The following CDON variants were observed in gnomAD, a reference collection of about 807,000 sequenced individuals.
CDON encodes cell adhesion molecule-related/down-regulated by oncogenes.
Under a neutral mutation model 120.9 loss-of-function variants are expected in CDON, and 73 were observed. That is an observed-to-expected ratio of 0.60 (90% CI 0.50 to 0.73). The LOEUF (loss-of-function observed/expected upper bound fraction) is 0.73. Ranked by LOEUF, CDON falls within the 30% of genes least tolerant of loss-of-function variation. The probability of loss-of-function intolerance (pLI) is 0.00; values close to 1 mark genes in which losing one functional copy is unlikely to be tolerated. For missense variants in CDON, 1,470 were observed against 1,587.3 expected (o/e 0.93, Z 1.26); for synonymous variants, 566 against 573.5 (o/e 0.99, Z 0.19).
intron 1 of CDON, among the ~76,000 whole-genome samples, chr11:126,042,789 T>C (rs545400153): frequency 2.6e-5 from 4 of 152,290 alleles, no homozygotes; most frequent in African/African-American, 9.6e-5. Flanking sequence ...GCTCGGCTTC[T>C]TTTTTTGTAT....
At chr11:125,968,971 T>C (rs1945882415) in intron 18 of CDON, among the ~76,000 whole-genome samples, 1 of 152,234 alleles carries the variant, frequency 6.6e-6, no homozygotes, top group Admixed American at 6.5e-5. Context: ...CTGTTCTGAA[T>C]ATAACCAGAC....
intron 12 of CDON, 152 bp from the exon 13 acceptor site, chr11:125,995,204 T>C (rs1396599427): frequency 2.7e-6 from 2 of 729,500 alleles, no homozygotes; most frequent in Admixed American, 2.1e-5. Flanking sequence ...GTATGGTAAA[T>C]AGATTTCAAC....
chr11:125,974,018 C>G (rs1311640205), intron 18 of CDON, among the ~76,000 whole-genome samples: 1 of 151,920 alleles, frequency 6.6e-6, no homozygotes, highest in Non-Finnish European at 1.5e-5. Context: ...GCTTCATCCT[C>G]CGGTGTAGCT....
At chr11:126,003,070 A>G (rs1947001096) in intron 10 of CDON, among the ~76,000 whole-genome samples, 1 of 152,014 alleles carries the variant, frequency 6.6e-6, no homozygotes, top group African/African-American at 2.4e-5. Flanking sequence ...TTAAACTGTT[A>G]ACAACTCCTA....
At chr11:126,019,152 A>C (rs992486068) in intron 4 of CDON, among the ~76,000 whole-genome samples, 3 of 152,166 alleles carry the variant, frequency 2.0e-5, no homozygotes, top group African/African-American at 7.2e-5. Context: ...ACTTTCTGCC[A>C]ACAATGGCCA....
At chr11:125,998,916 C>G (rs1202350597) in intron 11 of CDON, among the ~76,000 whole-genome samples, 1 of 152,156 alleles carries the variant, frequency 6.6e-6, no homozygotes, top group Non-Finnish European at 1.5e-5. Context: ...CTAGGGAGCC[C>G]CATCTCTAGC....
intron 18 of CDON, among the ~76,000 whole-genome samples, chr11:125,965,910 G>A (rs541900910): frequency 1.1e-4 from 17 of 152,298 alleles, no homozygotes; most frequent in African/African-American, 3.4e-4. Context: ...CGAGGCAGAC[G>A]GATCACCTGA....
chr11:126,004,175 G>T, intron 9 of CDON, 99 bp from the exon 10 acceptor site: 2 of 1,256,680 alleles, frequency 1.6e-6, no homozygotes, highest in Non-Finnish European at 2.3e-6. Flanking sequence ...TTTAATTCTA[G>T]AAGAGTTTTA....
intron 14 of CDON, among the ~76,000 whole-genome samples, chr11:125,993,641 G>A (rs1365055825): frequency 6.6e-6 from 1 of 152,158 alleles, no homozygotes; most frequent in Non-Finnish European, 1.5e-5. Flanking sequence ...GAACTACCCT[G>A]TGCCAAGGTC....
chr11:125,999,385 C>T (rs373186857), intron 11 of CDON, among the ~76,000 whole-genome samples: 12 of 152,160 alleles, frequency 7.9e-5, no homozygotes, highest in Non-Finnish European at 4.4e-5. Flanking sequence ...GAGTTAGAAG[C>T]GGACTTGGGT....
intron 11 of CDON, among the ~76,000 whole-genome samples, chr11:126,001,263 C>G (rs1264025670): frequency 6.6e-6 from 1 of 150,538 alleles, no homozygotes; most frequent in Non-Finnish European, 1.5e-5. Context: ...TCTCAGCTCA[C>G]TACAACATCT....
rs751328564 is a variant in CDON, at chr11:125,994,965, C to T, written c.2450G>A (p.Gly817Glu). 5 of 1,613,928 alleles carry T rather than the reference C, an allele frequency of 3.1e-6. No individual in the cohort carries two copies. The highest frequency in any genetic ancestry group is 3.4e-6 in the Non-Finnish European group (4 of 1,179,954). Reference sequence around the variant, plus strand: ...ACGGCTGGAAAAGCGATTGGGGAACCCAACCACTTGATAAGGACGAGATGC... The same window carrying T: ...ACGGCTGGAAAAGCGATTGGGGAACTCAACCACTTGATAAGGACGAGATGC... ...SSASRPYQVV[G>E]FPNRFSSRPI... Residue 817 changes from glycine (G) to glutamate (E), a missense_variant, in exon 13 of 20, where the codon GGG becomes GAG. By Grantham distance (98) the Gly-to-Glu change is moderately conservative. Coordinates refer to ENST00000531738, the MANE Select transcript of CDON (RefSeq NM_001378964.1).
intron 8 of CDON, among the ~76,000 whole-genome samples, chr11:126,007,931 T>C (rs954128526): frequency 1.3e-5 from 2 of 152,202 alleles, no homozygotes; most frequent in African/African-American, 4.8e-5. Flanking sequence ...GCATCTAGCA[T>C]CTTTTAAGGT....
rs1464513225 is a variant in CDON at position 126,015,443 on chromosome 11, G to C, written c.996C>G (p.Thr332=). 1 of 1,614,008 alleles carries C rather than the reference G, an allele frequency of 6.2e-7. No homozygotes were observed. Among genetic ancestry groups the C allele is most frequent in the Non-Finnish European group, 8.5e-7 (1 of 1,179,920 alleles). ...GGGCTGGGTTCCCATGAACGTCGCAGGTAAAGTGTACTGTGGCACCCAGAG... is the reference window on the plus strand; with the variant it reads ...GGGCTGGGTTCCCATGAACGTCGCACGTAAAGTGTACTGTGGCACCCAGAG... ...IVSLGATVHF[T]CDVHGNPAPN... is the part of the protein sequence containing the mutation. Residue 332 remains threonine, a synonymous_variant, in exon 7 of 20, where the codon ACC becomes ACG. Transcript: ENST00000531738.
At chr11:125,968,489 C>T (rs1300610487) in intron 18 of CDON, among the ~76,000 whole-genome samples, 3 of 152,160 alleles carry the variant, frequency 2.0e-5, no homozygotes, top group South Asian at 2.1e-4. Context: ...ATCAGCGTGT[C>T]GACACAGGTT....
In CDON at chr11:126,001,819, T is replaced by A; in HGVS notation, c.2058A>T (p.Ala686=). The change falls in exon 11 of 20, where the codon GCA becomes GCT. Residue 686 remains alanine, a synonymous_variant. Coordinates refer to ENST00000531738, the MANE Select transcript of CDON (RefSeq NM_001378964.1). ...EKTASSKNTQ[A]SSPPVGIPKY... is the part of the protein sequence containing the mutation. ...TAGGGATGCCCACGGGTGGAGAGGA[T>A]GCCTGGGTGTTTTTTGATGACGCTG... is the stretch of plus-strand genomic sequence containing the variant. The A allele has an allele frequency of 6.2e-7, 1 of 1,609,938 alleles. No individual in the cohort carries two copies.
rs374250333 is a variant in CDON, at chr11:126,003,936, G to C, written c.1992C>G (p.Gly664=). The C allele has an allele frequency of 6.6e-5, 107 of 1,613,950 alleles. No individual in the cohort carries two copies. Among genetic ancestry groups the C allele is most frequent in the Non-Finnish European group, 9.1e-5 (107 of 1,180,004 alleles). The change falls in exon 10 of 20, where the codon GGC becomes GGG. Residue 664 remains glycine (G), a synonymous_variant. Coordinates refer to ENST00000531738, the MANE Select transcript of CDON (RefSeq NM_001378964.1). ...TTCGGAAGGTAAGCATGGCAGGTTG[G>C]CCTTCACCTGCTGCGCTTCTTGCTA... is the stretch of plus-strand genomic sequence containing the variant. ...LMVARSAAGE[G]QPAMLTFRTS... is the part of the protein sequence containing the mutation.
intron 4 of CDON, 144 bp downstream of exon 4, chr11:126,019,475 G>A: frequency 1.2e-6 from 1 of 842,156 alleles, no homozygotes; most frequent in East Asian, 2.4e-5. Context: ...GTAATTATTT[G>A]TATATTGTAA....
intron 15 of CDON, among the ~76,000 whole-genome samples, chr11:125,984,419 G>A (rs1223919905): frequency 2.0e-5 from 3 of 152,198 alleles, no homozygotes; most frequent in Non-Finnish European, 4.4e-5. Context: ...CACTTAGGCC[G>A]GGCGTGGTGG....
Sources: gnomAD v4.1 joint callset for allele counts (sites outside exome capture counted in the v4.1 genomes callset) on GRCh38, gnomAD v4.1.1 for gene constraint, MANE v1.5 for transcripts, NCBI Gene and HGNC (gene_info 2026-07-23, HGNC 2026-07-21) for gene names.